The following SMCO4 variants were observed in gnomAD, a reference collection of about 807,000 sequenced individuals.
The protein encoded by SMCO4 is single-pass membrane protein with coiled-coil domains 4.
SMCO4 carries 4 observed loss-of-function variants against 3.6 expected under a neutral mutation model. The observed-to-expected ratio is 1.11, with a 90% confidence interval of 0.54 to 2.53. The LOEUF is 2.53. Among genes scored for constraint, SMCO4 ranks in the 30% most tolerant of loss-of-function variants. SMCO4 has a pLI of 0.02. For synonymous variants in SMCO4, 36 were observed against 35.3 expected (o/e 1.02, Z -0.07); for missense variants, 70 against 80.8 (o/e 0.87, Z 0.51).
chr11:93,534,375 T>TATAGAGAGAGAGAGAGAG (rs369643237), intron 1 of SMCO4, among the ~76,000 whole-genome samples: 1 of 142,132 alleles, frequency 7.0e-6, no homozygotes, highest in African/African-American at 2.6e-5. Context: ...TATATATATA[T>TATAGAGAGAGAGAGAGAG]AGAGAGAGAG....
At chr11:93,499,495 C>T (rs374643201) in intron 1 of SMCO4, 147 bp from the exon 2 acceptor site, 1 of 152,240 alleles carries the variant, frequency 6.6e-6, no homozygotes, top group Non-Finnish European at 1.5e-5. Flanking sequence ...ACACTTGTCA[C>T]CGCCCTGCTC....
chr11:93,519,541 C>T (rs910074222), intron 1 of SMCO4, among the ~76,000 whole-genome samples: 45 of 152,200 alleles, frequency 3.0e-4, no homozygotes, highest in African/African-American at 9.6e-4. Context: ...GAGATTAACT[C>T]CACAGCTCCA....
chr11:93,481,531 G>A (rs1295162006), intron 2 of SMCO4: 2 of 985,180 alleles, frequency 2.0e-6, no homozygotes, highest in African/African-American at 3.5e-5. Context: ...CCAACACCTG[G>A]AACACACCCC....
chr11:93,506,449 T>G (rs1948903343), intron 1 of SMCO4, among the ~76,000 whole-genome samples: 2 of 151,934 alleles, frequency 1.3e-5, no homozygotes, highest in South Asian at 4.2e-4. Context: ...GCTTTTTTTT[T>G]TTTTTTTGAG....
intron 1 of SMCO4, among the ~76,000 whole-genome samples, chr11:93,501,818 A>G (rs1376960649): frequency 6.6e-6 from 1 of 151,888 alleles, no homozygotes; most frequent in Admixed American, 6.6e-5. Context: ...CACATGGTGT[A>G]TACTGTACCT....
intron 1 of SMCO4, among the ~76,000 whole-genome samples, chr11:93,527,391 G>C (rs1450544111): frequency 1.3e-5 from 2 of 151,674 alleles, no homozygotes; most frequent in Non-Finnish European, 2.9e-5. Flanking sequence ...CACATAAGGG[G>C]TTCCAAAAAA....
chr11:93,499,578 C>T (rs927630732), intron 1 of SMCO4, among the ~76,000 whole-genome samples: 7 of 152,270 alleles, frequency 4.6e-5, no homozygotes, highest in Middle Eastern at 3.4e-3. Flanking sequence ...GCAGCCCCTG[C>T]ATGGAGTTAG....
intron 1 of SMCO4, among the ~76,000 whole-genome samples, chr11:93,539,875 C>T (rs140356408): frequency 6.6e-5 from 10 of 152,128 alleles, no homozygotes; most frequent in Admixed American, 2.0e-4. Context: ...TCTAGCTGCC[C>T]TATACTATAG....
chr11:93,499,415 T>C (rs1441660722), intron 1 of SMCO4, 67 bp from the exon 2 acceptor site: 2 of 152,184 alleles, frequency 1.3e-5, no homozygotes, highest in African/African-American at 2.4e-5. Flanking sequence ...GACTCCTTTT[T>C]TGGAACCCCC....
chr11:93,502,654 C>T (rs570333276), intron 1 of SMCO4, among the ~76,000 whole-genome samples: 1 of 152,294 alleles, frequency 6.6e-6, no homozygotes, highest in South Asian at 2.1e-4. Context: ...TAAAACTATA[C>T]ACACCCTTTG....
At chr11:93,495,877 G>A (rs1948766863) in intron 2 of SMCO4, among the ~76,000 whole-genome samples, 1 of 152,162 alleles carries the variant, frequency 6.6e-6, no homozygotes, top group Non-Finnish European at 1.5e-5. Flanking sequence ...ACCTTTGAGA[G>A]CCTGAGTTAT....
At chr11:93,552,450 T>C in the SMCO4 span, among the ~76,000 whole-genome samples, 1 of 105,168 alleles carries the variant, frequency 9.5e-6, no homozygotes, top group African/African-American at 3.5e-5. Context: ...ACGTTATTAT[T>C]ATTATTATTA....
intron 2 of SMCO4, among the ~76,000 whole-genome samples, chr11:93,493,776 C>A (rs978147441): frequency 6.6e-6 from 1 of 152,184 alleles, no homozygotes; most frequent in Non-Finnish European, 1.5e-5. Context: ...AGTGGGAGAA[C>A]AAGCCAAACT....
At chr11:93,493,850 T>C (rs1339591110) in intron 2 of SMCO4, among the ~76,000 whole-genome samples, 1 of 152,174 alleles carries the variant, frequency 6.6e-6, no homozygotes, top group African/African-American at 2.4e-5. Context: ...GATACAAGAC[T>C]GTCCCTCTCG....
At chr11:93,529,443 A>G (rs1949142414) in intron 1 of SMCO4, among the ~76,000 whole-genome samples, 1 of 152,100 alleles carries the variant, frequency 6.6e-6, no homozygotes, top group African/African-American at 2.4e-5. Context: ...TTCTAAAGCG[A>G]TGCTCCCCAG....
chr11:93,504,003 T>G (rs946414945), intron 1 of SMCO4, among the ~76,000 whole-genome samples: 7 of 152,172 alleles, frequency 4.6e-5, no homozygotes, highest in African/African-American at 1.7e-4. Context: ...TAAAAATACA[T>G]GCAAATAAAA....
chr11:93,493,040 G>A (rs1948736467), intron 2 of SMCO4, among the ~76,000 whole-genome samples: 1 of 152,198 alleles, frequency 6.6e-6, no homozygotes, highest in Admixed American at 6.5e-5. Context: ...AGCTGCTGAA[G>A]TTGCATTTGT....
At chr11:93,498,491 AG>A (rs2134593184) in intron 2 of SMCO4, among the ~76,000 whole-genome samples, 1 of 152,322 alleles carries the variant, frequency 6.6e-6, no homozygotes, top group East Asian at 1.9e-4. Flanking sequence ...ACCCGCCACA[AG>A]CGGAGAAGGG....
the SMCO4 span, among the ~76,000 whole-genome samples, chr11:93,553,850 G>A: frequency 1.3e-5 from 2 of 152,174 alleles, no homozygotes; most frequent in East Asian, 3.9e-4. Flanking sequence ...GTAGGACCAA[G>A]CCTCCTAGCC....
Sources: allele counts gnomAD v4.1 joint callset (sites outside exome capture counted in the v4.1 genomes callset), GRCh38; gene constraint gnomAD v4.1.1; transcripts MANE v1.5; gene names NCBI Gene and HGNC (gene_info 2026-07-23, HGNC 2026-07-21).